Variants in BRWD1 observed in about 807,000 individuals in gnomAD.
The protein encoded by BRWD1 is bromodomain and WD repeat domain containing 1, also known as bromodomain and WD repeat-containing protein 1.
Under a neutral mutation model 251.2 loss-of-function variants are expected in BRWD1, and 82 were observed. The ratio of observed to expected loss-of-function variants is 0.33; its 90% CI spans 0.27 to 0.39. The LOEUF (loss-of-function observed/expected upper bound fraction) is 0.39, where lower values mean the gene tolerates loss of function less well. BRWD1 is among the 10% of genes least tolerant of loss of function. BRWD1 has a pLI of 1.00. For synonymous variants in BRWD1, 918 were observed against 902.8 expected, an observed-to-expected ratio of 1.02 and a Z score of -0.30; for missense variants, 2,233 against 2,711.6, an observed-to-expected ratio of 0.82 and a Z score of 3.92.
At chr21:39,198,039 T>TA (rs2031912070) in intron 40 of BRWD1, among the ~76,000 whole-genome samples, 1 of 152,120 alleles carries the variant, frequency 6.6e-6, no homozygotes, top group African/African-American at 2.4e-5. Context: ...ACCATAGCAC[T>TA]AGCATATGCA....
chr21:39,264,659 A>G lies in BRWD1; in HGVS notation c.1686T>C (p.Thr562=). ...AATCTCTAATAAGTGGTCGATAGTC[A>G]GTATGGAAGAACATCTGATCAGGAA... ...EKIPDQMFFH[T]DYRPLIRDSN... Residue 562 remains threonine (T), a synonymous_variant, in exon 17 of 41, where the codon ACT becomes ACC. Transcript: ENST00000342449. 1 of 1,609,572 alleles carries G rather than the reference A, an allele frequency of 6.2e-7. No individual in the cohort carries two copies. Among genetic ancestry groups the G allele is most frequent in the Non-Finnish European group, 8.5e-7 (1 of 1,177,882 alleles).
chr21:39,206,085 C>T, intron 37 of BRWD1, 23 bp downstream of exon 37: 1 of 1,580,986 alleles, frequency 6.3e-7, no homozygotes, highest in Non-Finnish European at 8.6e-7. Context: ...ATAAATAAAG[C>T]AAGCTTGCCA....
At chr21:39,305,471 A>C (rs908259787) in intron 4 of BRWD1, among the ~76,000 whole-genome samples, 6 of 152,164 alleles carry the variant, frequency 3.9e-5, no homozygotes, top group Admixed American at 2.0e-4. Context: ...TCACACCTGT[A>C]ATCCCAGCAC....
At chr21:39,295,672 T>G in intron 7 of BRWD1, 71 bp downstream of exon 7, 4 of 1,225,108 alleles carry the variant, frequency 3.3e-6, no homozygotes, top group Non-Finnish European at 4.4e-6. Context: ...AAACTAAGAT[T>G]TCCTAGATGA....
In BRWD1 at chr21:39,193,790, G is replaced by GA. The variant is rs1219226309; in HGVS notation, c.*2468dup. On this transcript the variant is annotated 3_prime_UTR_variant, in exon 41 of 41. Coordinates refer to ENST00000342449, the MANE Select transcript of BRWD1 (RefSeq NM_033656.4). ...ATCCCTGGGCATTTTGCATAACGTA[G>GA]AAAAAAAAGGCCAAACATGTTCTAG... 9.1e-6 allele frequency: 9 copies of GA among 984,600 alleles called. No homozygotes were observed. The highest frequency in any genetic ancestry group is 1.8e-5 in the African/African-American group (1 of 57,008). The allele number at this position is 984,600 out of a possible 1,614,324, so 61.0% of individuals were successfully genotyped here. A position where few individuals can be genotyped will look rare whatever the true frequency, so the allele number is the denominator to read the frequency against.
chr21:39,274,310 A>C (rs965600226), intron 13 of BRWD1, 64 bp downstream of exon 13: 22 of 1,115,098 alleles, frequency 2.0e-5, no homozygotes, highest in East Asian at 2.4e-5. Flanking sequence ...AGAGCGAGAG[A>C]GAGAGAGAGA....
chr21:39,251,092 G>C (rs2836956), intron 19 of BRWD1, among the ~76,000 whole-genome samples: 78,982 of 151,878 alleles, frequency 0.52, 21,008 homozygotes, highest in African/African-American at 0.62. Flanking sequence ...TTTCATATCA[G>C]AGGCAAAAAT....
chr21:39,209,301 T>A lies in BRWD1; in HGVS notation c.4197+694A>T, dbSNP rs577890965. Among the ~76,000 whole-genome samples the A allele has an allele frequency of 1.3e-4, 20 of 151,514 alleles. 1 individual carries two copies. In the South Asian group the frequency reaches 2.9e-3, roughly 22 times the overall value. ...CCTGAACCTTTTCTTTAAAAAAAAATAAAAAATAAAAATACTGCTTTAAAG... is the reference window on the plus strand; with the variant it reads ...CCTGAACCTTTTCTTTAAAAAAAAAAAAAAAATAAAAATACTGCTTTAAAG... On this transcript the variant is annotated intron_variant, in intron 36 of 40. Transcript: ENST00000342449.
Position 39,302,850 on chromosome 21 carries a change from A to C in BRWD1, c.199-4268T>G, listed in dbSNP as rs567246591. Among the ~76,000 whole-genome samples the C allele has an allele frequency of 2.6e-5, 4 of 152,164 alleles. No homozygotes were observed. In the South Asian group the frequency reaches 8.3e-4, roughly 32 times the overall value. On this transcript the variant is annotated intron_variant, in intron 4 of 40. Transcript: ENST00000342449. Reference sequence around the variant, plus strand: ...CCAGACAGGCGGATCACTTGAGGCCAAGAGTTCAAGACCAGCCTGGGCAAC... The same window carrying C: ...CCAGACAGGCGGATCACTTGAGGCCCAGAGTTCAAGACCAGCCTGGGCAAC...
intron 9 of BRWD1, among the ~76,000 whole-genome samples, chr21:39,279,638 C>CAAAAAAAAAAA (rs77282416): frequency 7.5e-5 from 5 of 66,844 alleles, no homozygotes; most frequent in African/African-American, 1.7e-4. Flanking sequence ...GACTCCATCT[C>CAAAAAAAAAAA]AAAAAAAAAA....
intron 30 of BRWD1, 36 bp from the exon 31 acceptor site, chr21:39,218,308 A>ATCCATTGCC (rs2033037301): frequency 6.3e-7 from 1 of 1,579,314 alleles, no homozygotes; most frequent in South Asian, 1.2e-5. Flanking sequence ...TAATCAATAA[A>ATCCATTGCC]TCCATTGCCT....
chr21:39,196,344 T>C lies in BRWD1; in HGVS notation c.6725A>G (p.Gln2242Arg). Residue 2242 changes from glutamine to arginine, a missense_variant, in exon 41 of 41, where the codon CAG (glutamine) becomes CGG (arginine). This residue lies in a region of BRWD1 where 928 missense variants were observed against 970.0 expected (regional missense o/e 0.96). Transcript: ENST00000342449. The part of the protein sequence containing the change: ...LRRSKIKTRN[Q>R]GRRTVRYHDG... ...ATGGTATCTCACAGTCCTTCTACCC[T>C]GATTTCTCGTTTTTATTTTTGAACG... 1.2e-6 allele frequency: 2 copies of C among 1,613,666 alleles called. No individual in the cohort carries two copies. Among genetic ancestry groups the C allele is most frequent in the Non-Finnish European group, 1.7e-6 (2 of 1,179,698 alleles).
In BRWD1 at chr21:39,220,686, AGTT is replaced by A. The variant is rs369100337; in HGVS notation, c.3383-2029_3383-2027del. Reference sequence around the variant, plus strand: ...TTAGAATTAGCAAAGACATGAATGCAGTTATTATATTACGCATGTTCATTAAAA... The same window carrying A: ...TTAGAATTAGCAAAGACATGAATGCAATTATATTACGCATGTTCATTAAAA... On this transcript the variant is annotated intron_variant, in intron 29 of 40. Coordinates refer to ENST00000342449, the MANE Select transcript of BRWD1 (RefSeq NM_033656.4). Among the ~76,000 whole-genome samples, 136 of 152,356 alleles carry A rather than the reference AGTT, an allele frequency of 8.9e-4. 2 individuals carry two copies. Among genetic ancestry groups the A allele is most frequent in the African/African-American group, 3.2e-3 (132 of 41,584 alleles).
intron 8 of BRWD1, among the ~76,000 whole-genome samples, chr21:39,292,132 T>C (rs1053256260): frequency 3.2e-4 from 4 of 12,352 alleles, no homozygotes; most frequent in African/African-American, 6.1e-4. Flanking sequence ...TGGGTGGGGG[T>C]GGGGGGGGGG....
chr21:39,228,845 C>T (rs567010974), intron 26 of BRWD1, among the ~76,000 whole-genome samples: 3 of 152,170 alleles, frequency 2.0e-5, no homozygotes, highest in African/African-American at 4.8e-5. Flanking sequence ...TGTACATTCA[C>T]AACACATTCA....
Position 39,196,036 on chromosome 21 carries a change from GC to G in BRWD1, c.*222del. ...AGTCAAATACTGTCAAAATAGATCT[GC>G]CCCCAAAATGAAGCATATTTTGGCA... On this transcript the variant is annotated 3_prime_UTR_variant, in exon 41 of 41. Transcript: ENST00000342449. The G allele has an allele frequency of 4.0e-6, 5 of 1,260,638 alleles. No individual in the cohort carries two copies. Among genetic ancestry groups the G allele is most frequent in the Non-Finnish European group, 5.0e-6 (5 of 1,003,478 alleles). The allele number at this position is 1,260,638 out of a possible 1,614,324, so 78.1% of individuals were successfully genotyped here. A position where few individuals can be genotyped will look rare whatever the true frequency, so the allele number is the denominator to read the frequency against.
At chr21:39,303,477 C>T (rs887722034) in intron 4 of BRWD1, among the ~76,000 whole-genome samples, 1 of 133,828 alleles carries the variant, frequency 7.5e-6, no homozygotes, top group African/African-American at 2.9e-5. Flanking sequence ...CAAGATCACA[C>T]AACTGCGCCC....
At chr21:39,290,301 A>G (rs1221568829) in intron 8 of BRWD1, among the ~76,000 whole-genome samples, 1 of 151,820 alleles carries the variant, frequency 6.6e-6, no homozygotes, top group Non-Finnish European at 1.5e-5. Context: ...AATCCTGGCT[A>G]ACACAGTGAA....
chr21:39,192,925 T>G lies in BRWD1; in HGVS notation c.*3334A>C. 1.1e-6 allele frequency: 1 copy of G among 945,058 alleles called. No homozygotes were observed. Among genetic ancestry groups the G allele is most frequent in the Non-Finnish European group, 1.2e-6 (1 of 815,024 alleles). The allele number at this position is 945,058 out of a possible 1,614,324, so 58.5% of individuals were successfully genotyped here. A position where few individuals can be genotyped will look rare whatever the true frequency, so the allele number is the denominator to read the frequency against. On this transcript the variant is annotated 3_prime_UTR_variant, in exon 41 of 41. Transcript: ENST00000342449. Reference sequence around the variant, plus strand: ...AGGTTAGTAAATTGTTTTCTGATTCTTCTACAAAAAAAAAAGTCTAGAAGA... The same window carrying G: ...AGGTTAGTAAATTGTTTTCTGATTCGTCTACAAAAAAAAAAGTCTAGAAGA...
Sources: gnomAD v4.1 joint callset for allele counts (sites outside exome capture counted in the v4.1 genomes callset) on GRCh38, gnomAD v4.1.1 for gene constraint, gnomAD v4.1.1 regional missense constraint, MANE v1.5 for transcripts, NCBI Gene and HGNC (gene_info 2026-07-23, HGNC 2026-07-21) for gene names.